The following SPAG16 variants were observed in gnomAD, a reference collection of about 807,000 sequenced individuals.
SPAG16 encodes sperm-associated antigen 16 protein.
In SPAG16, 86 loss-of-function variants were observed where a neutral mutation model predicts 80.4. The observed-to-expected ratio is 1.07, with a 90% CI of 0.90 to 1.28. The LOEUF is 1.28. Among genes scored for constraint, SPAG16 ranks in the 50% most tolerant of loss-of-function variants. The pLI, the probability that SPAG16 is intolerant of heterozygous loss-of-function variation, is 0.00. For synonymous variants in SPAG16, 294 were observed against 265.9 expected, an observed-to-expected ratio of 1.11 and a Z score of -1.03; for missense variants, 870 against 765.3, an observed-to-expected ratio of 1.14 and a Z score of -1.61.
At chr2:213,618,597 C>T (rs971659420) in intron 10 of SPAG16, among the ~76,000 whole-genome samples, 2 of 152,158 alleles carry the variant, frequency 1.3e-5, no homozygotes, top group African/African-American at 2.4e-5. Flanking sequence ...AAGGCCCTTC[C>T]TTTCCATTCT....
At chr2:214,111,456 T>C (rs1421189774) in intron 14 of SPAG16, among the ~76,000 whole-genome samples, 1 of 152,200 alleles carries the variant, frequency 6.6e-6, no homozygotes, top group Non-Finnish European at 1.5e-5. Context: ...TGTGTTGTTA[T>C]TTCTGAGGGC....
Position 214,216,179 on chromosome 2 carries a change from T to A in SPAG16, c.1720+66913T>A, listed in dbSNP as rs1438226411. Among the ~76,000 whole-genome samples, 7 of 152,272 alleles carry A rather than the reference T, an allele frequency of 4.6e-5. No individual in the cohort carries two copies. The East Asian group carries it at 1.4e-3, about 29-fold the overall frequency. On this transcript the variant is annotated intron_variant, in intron 15 of 15. Transcript: ENST00000331683. The stretch of plus-strand genomic sequence containing the variant: ...TGATTGGGATTGAAAATTATGAGCA[T>A]TGGTTTTTTATGTGTGAAATTTCAG...
chr2:213,982,304 A>T (rs2106420661), intron 12 of SPAG16, among the ~76,000 whole-genome samples: 1 of 152,170 alleles, frequency 6.6e-6, no homozygotes, highest in East Asian at 1.9e-4. Context: ...AACTCACAAA[A>T]TAGTCTTTCT....
At chr2:214,376,746 A>C (rs1359801569) in intron 15 of SPAG16, among the ~76,000 whole-genome samples, 1 of 152,166 alleles carries the variant, frequency 6.6e-6, no homozygotes, top group African/African-American at 2.4e-5. Flanking sequence ...TGAAAAGGGA[A>C]AAGGTTTCAT....
At chr2:214,077,586 C>T (rs961587476) in intron 13 of SPAG16, among the ~76,000 whole-genome samples, 3 of 152,234 alleles carry the variant, frequency 2.0e-5, no homozygotes, top group Non-Finnish European at 4.4e-5. Flanking sequence ...CTCCCCTTGG[C>T]TGCCCCTGTG....
intron 10 of SPAG16, among the ~76,000 whole-genome samples, chr2:213,734,201 G>A (rs969909374): frequency 6.6e-6 from 1 of 152,156 alleles, no homozygotes; most frequent in Non-Finnish European, 1.5e-5. Context: ...GAATTGCAAG[G>A]ACTGTAAAAT....
intron 15 of SPAG16, among the ~76,000 whole-genome samples, chr2:214,162,713 C>T (rs755026632): frequency 1.3e-5 from 2 of 151,856 alleles, no homozygotes; most frequent in African/African-American, 2.4e-5. Flanking sequence ...TTTTTGTTGC[C>T]GTGATGTTCT....
chr2:213,770,359 TTGTTTTC>T lies in SPAG16; in HGVS notation c.1071-92124_1071-92118del, dbSNP rs2069175370. 1.3e-5 allele frequency among the ~76,000 whole-genome samples: 2 copies of T among 152,246 alleles called. 1 individual carries two copies. The highest frequency in any genetic ancestry group is 4.1e-4 in the South Asian group (2 of 4,828). On this transcript the variant is annotated intron_variant, in intron 10 of 15. Transcript: ENST00000331683. Reference sequence around the variant, plus strand: ...TAACGTTTTAAGAAATTAAGAAGCATTGTTTTCTAAGTTGTATAATTTTTTGCTCTCA... The same window carrying T: ...TAACGTTTTAAGAAATTAAGAAGCATTAAGTTGTATAATTTTTTGCTCTCA...
intron 13 of SPAG16, among the ~76,000 whole-genome samples, chr2:214,021,209 CA>C (rs917737147): frequency 1.3e-5 from 2 of 152,086 alleles, no homozygotes; most frequent in African/African-American, 2.4e-5. Flanking sequence ...GAGTAGAAAA[CA>C]TTTTTTTGGT....
chr2:214,220,754 T>C (rs1217315249), intron 15 of SPAG16, among the ~76,000 whole-genome samples: 1 of 152,152 alleles, frequency 6.6e-6, no homozygotes, highest in Admixed American at 6.5e-5. Flanking sequence ...AATGGATTAA[T>C]CTTGAAGGGG....
chr2:213,365,638 A>G (rs1188322075), intron 8 of SPAG16, among the ~76,000 whole-genome samples: 2 of 150,224 alleles, frequency 1.3e-5, no homozygotes, highest in Non-Finnish European at 2.9e-5. Flanking sequence ...TTGTATTTTT[A>G]GTAGAGCTGG....
intron 13 of SPAG16, among the ~76,000 whole-genome samples, chr2:214,015,680 G>A (rs1018810454): frequency 2.0e-5 from 3 of 152,106 alleles, no homozygotes; most frequent in Non-Finnish European, 4.4e-5. Context: ...CATTTTGGAG[G>A]GAGGGAGTAT....
intron 15 of SPAG16, among the ~76,000 whole-genome samples, chr2:214,393,652 A>G (rs1225724865): frequency 2.0e-5 from 3 of 152,062 alleles, no homozygotes; most frequent in Non-Finnish European, 2.9e-5. Context: ...ATGATCCTAT[A>G]TCTCTTTTGC....
intron 15 of SPAG16, among the ~76,000 whole-genome samples, chr2:214,169,721 T>A (rs893041113): frequency 6.6e-6 from 1 of 152,070 alleles, no homozygotes; most frequent in Non-Finnish European, 1.5e-5. Context: ...CTACACTGAC[T>A]TGTTAATTTT....
intron 10 of SPAG16, among the ~76,000 whole-genome samples, chr2:213,524,566 C>T (rs1478701718): frequency 6.6e-6 from 1 of 152,182 alleles, no homozygotes; most frequent in African/African-American, 2.4e-5. Context: ...GGTGGAGCTG[C>T]CCAAGGCCAT....
At chr2:213,710,484 A>G (rs1268238015) in intron 10 of SPAG16, among the ~76,000 whole-genome samples, 1 of 152,210 alleles carries the variant, frequency 6.6e-6, no homozygotes, top group Non-Finnish European at 1.5e-5. Context: ...TCACAAACAT[A>G]TAGTTCAATG....
At chr2:213,497,068 TTATAAG>T (rs1263119112) in intron 10 of SPAG16, among the ~76,000 whole-genome samples, 1 of 151,940 alleles carries the variant, frequency 6.6e-6, no homozygotes, top group African/African-American at 2.4e-5. Flanking sequence ...TGATCATTAC[TTATAAG>T]TATTTTACAG....
intron 15 of SPAG16, among the ~76,000 whole-genome samples, chr2:214,310,185 G>A (rs1452102626): frequency 7.1e-6 from 1 of 141,738 alleles, no homozygotes; most frequent in East Asian, 2.1e-4. Context: ...TTTTGAAATT[G>A]CTATTGTTTG....
chr2:213,620,437 C>T (rs1466696239), intron 10 of SPAG16, among the ~76,000 whole-genome samples: 6 of 151,718 alleles, frequency 4.0e-5, no homozygotes, highest in African/African-American at 1.2e-4. Flanking sequence ...GGACTACAGG[C>T]ACCCGCCACC....
Sources: gnomAD v4.1 joint callset for allele counts (sites outside exome capture counted in the v4.1 genomes callset) on GRCh38, gnomAD v4.1.1 for gene constraint, MANE v1.5 for transcripts, NCBI Gene and HGNC (gene_info 2026-07-23, HGNC 2026-07-21) for gene names.